Variants in DGKB observed in about 807,000 individuals in gnomAD.
DGKB encodes 90 kDa diacylglycerol kinase.
A neutral mutation model predicts 114.3 loss-of-function variants in DGKB; 67 were observed. That is an observed-to-expected ratio of 0.59 (90% confidence interval 0.48 to 0.72). The LOEUF (loss-of-function observed/expected upper bound fraction) is 0.72. Among genes scored for constraint, DGKB ranks in the 30% least tolerant of loss-of-function variants. The pLI is 0.00. For missense variants in DGKB, 907 were observed against 975.2 expected, an observed-to-expected ratio of 0.93 and a Z score of 0.93; for synonymous variants, 398 against 323.1, an observed-to-expected ratio of 1.23 and a Z score of -2.49.
intron 23 of DGKB, chr7:14,190,832 C>G (rs1006288330): frequency 1.3e-5 from 2 of 152,670 alleles, no homozygotes; most frequent in Non-Finnish European, 2.9e-5. Context: ...TCAACATTGT[C>G]AAAATTGGAC....
chr7:14,380,612 CTTA>C (rs1819289266), intron 21 of DGKB, among the ~76,000 whole-genome samples: 1 of 152,082 alleles, frequency 6.6e-6, no homozygotes, highest in South Asian at 2.1e-4. Context: ...TAGTGTTATT[CTTA>C]TTAACTTTAA....
chr7:14,818,772 T>G (rs1447040763), intron 2 of DGKB, among the ~76,000 whole-genome samples: 1 of 152,198 alleles, frequency 6.6e-6, no homozygotes, highest in African/African-American at 2.4e-5. Flanking sequence ...CAATAATATG[T>G]TAATTGTAGC....
At chr7:14,208,459 C>CA (rs1357226694) in intron 23 of DGKB, among the ~76,000 whole-genome samples, 1 of 151,980 alleles carries the variant, frequency 6.6e-6, no homozygotes, top group Non-Finnish European at 1.5e-5. Context: ...AATGGGGGTT[C>CA]AACTTCTACT....
At chr7:14,681,768 A>G (rs1397813973) in intron 12 of DGKB, among the ~76,000 whole-genome samples, 1 of 152,104 alleles carries the variant, frequency 6.6e-6, no homozygotes, top group Non-Finnish European at 1.5e-5. Context: ...AACTGCATTC[A>G]TTCCAAAAAT....
intron 21 of DGKB, among the ~76,000 whole-genome samples, chr7:14,444,780 G>A (rs1280859084): frequency 1.3e-5 from 2 of 151,570 alleles, no homozygotes; most frequent in African/African-American, 2.4e-5. Context: ...TAAATTCTCC[G>A]ACAAATAATG....
chr7:14,423,667 A>G (rs1396365406), intron 21 of DGKB, among the ~76,000 whole-genome samples: 1 of 152,112 alleles, frequency 6.6e-6, no homozygotes, highest in Non-Finnish European at 1.5e-5. Flanking sequence ...AAAATTCAGA[A>G]CAGAACTTCT....
chr7:14,295,613 C>A (rs1437404140), intron 23 of DGKB, among the ~76,000 whole-genome samples: 68 of 151,886 alleles, frequency 4.5e-4, no homozygotes, highest in African/African-American at 1.6e-3. Context: ...ATTTTCAATA[C>A]AACTATCTCA....
intron 21 of DGKB, among the ~76,000 whole-genome samples, chr7:14,465,073 G>A (rs745518239): frequency 2.6e-5 from 4 of 152,020 alleles, no homozygotes; most frequent in Non-Finnish European, 5.9e-5. Context: ...TACTTTTTGG[G>A]GATGTCTTCT....
intron 13 of DGKB, among the ~76,000 whole-genome samples, chr7:14,669,730 A>G (rs533222441): frequency 6.6e-6 from 1 of 152,304 alleles, no homozygotes; most frequent in South Asian, 2.1e-4. Flanking sequence ...CCAACAGACC[A>G]GACCAGACCA....
At chr7:14,355,559 T>G (rs1406883115) in intron 21 of DGKB, among the ~76,000 whole-genome samples, 3 of 152,230 alleles carry the variant, frequency 2.0e-5, no homozygotes, top group African/African-American at 7.2e-5. Flanking sequence ...TCGTTGGTTC[T>G]GTTTATGTGA....
intron 21 of DGKB, among the ~76,000 whole-genome samples, chr7:14,360,054 G>C (rs1815392906): frequency 6.6e-6 from 1 of 152,040 alleles, no homozygotes; most frequent in Admixed American, 6.6e-5. Context: ...CAAAGACTTG[G>C]AACCAACCCA....
chr7:14,579,701 C>T (rs539327147), intron 19 of DGKB, among the ~76,000 whole-genome samples: 5 of 152,126 alleles, frequency 3.3e-5, no homozygotes, highest in East Asian at 3.9e-4. Context: ...TAGTCAAGCA[C>T]GTATACAGCT....
chr7:14,939,564 C>A (rs1587420668), intron 1 of DGKB, among the ~76,000 whole-genome samples: 1 of 146,760 alleles, frequency 6.8e-6, no homozygotes, highest in Admixed American at 6.8e-5. Context: ...AAGTTTAAAA[C>A]ATACTTGAGG....
intron 2 of DGKB, among the ~76,000 whole-genome samples, chr7:14,769,228 GAGAAAGAA>G (rs371117893): frequency 0.021 from 2,524 of 119,622 alleles, 41 homozygotes; most frequent in Middle Eastern, 0.03. Flanking sequence ...GAAAGAGAGA[GAGAAAGAA>G]AGAAAGAAAG....
intron 14 of DGKB, among the ~76,000 whole-genome samples, chr7:14,622,107 A>G (rs975014721): frequency 5.9e-5 from 9 of 151,998 alleles, no homozygotes; most frequent in Admixed American, 1.3e-4. Context: ...CCACCAAACT[A>G]TCTTTTACTA....
intron 5 of DGKB, among the ~76,000 whole-genome samples, chr7:14,730,402 T>C (rs1372424903): frequency 6.6e-6 from 1 of 152,158 alleles, no homozygotes; most frequent in East Asian, 1.9e-4. Context: ...TTATTAATCA[T>C]TGAATTCCTA....
At chr7:14,492,084 AGT>A (rs959954135) in intron 20 of DGKB, among the ~76,000 whole-genome samples, 59 of 152,228 alleles carry the variant, frequency 3.9e-4, no homozygotes, top group African/African-American at 1.4e-3. Context: ...CAGAGATAAA[AGT>A]GTTTTGTTTA....
At position 14,265,015 on chromosome 7, in the gene DGKB, T is replaced by C. The variant is rs867489989; in HGVS notation, c.2122+73500A>G. Among the ~76,000 whole-genome samples the C allele has an allele frequency of 6.5e-4, 99 of 152,268 alleles. 1 individual carries two copies. In the Middle Eastern group the frequency reaches 0.014, roughly 21 times the overall value. On this transcript the variant is annotated intron_variant, in intron 23 of 25. Transcript: ENST00000402815. The stretch of plus-strand genomic sequence containing the variant: ...TGCTTTGTGATGGACACTGGCAGAA[T>C]CTGTAAGGACTTTAAGTAGACTGTC...
chr7:14,819,766 C>G (rs1403079761), intron 2 of DGKB, among the ~76,000 whole-genome samples: 2 of 151,940 alleles, frequency 1.3e-5, no homozygotes, highest in African/African-American at 4.8e-5. Flanking sequence ...CAGTTAAATT[C>G]CAAGCCCATG....
Sources: allele counts gnomAD v4.1 joint callset (sites outside exome capture counted in the v4.1 genomes callset), GRCh38; gene constraint gnomAD v4.1.1; transcripts MANE v1.5; gene names NCBI Gene and HGNC (gene_info 2026-07-23, HGNC 2026-07-21).